Variants in PRAG1 observed in about 807,000 individuals in gnomAD.
PRAG1 encodes PEAK1 related, kinase-activating pseudokinase 1.
A neutral mutation model predicts 95.6 loss-of-function variants in PRAG1; 110 were observed. The ratio of observed to expected loss-of-function variants is 1.15; its 90% CI spans 0.99 to 1.35. The LOEUF (loss-of-function observed/expected upper bound fraction) is 1.35, where lower values mean the gene tolerates loss of function less well. Ranked by LOEUF, PRAG1 falls within the 40% of genes most tolerant of loss-of-function variation. The pLI is 0.00. For synonymous variants in PRAG1, 1,052 were observed against 819.4 expected (o/e 1.28, Z -4.85); for missense variants, 2,554 against 1,864.7 (o/e 1.37, Z -6.81).
Position 8,376,829 on chromosome 8 carries a change from T to G in PRAG1, c.1580A>C (p.Glu527Ala). The G allele has an allele frequency of 1.9e-6, 3 of 1,612,566 alleles. No individual in the cohort carries two copies. The highest frequency in any genetic ancestry group is 2.2e-5 in the South Asian group (2 of 91,072). Residue 527 changes from glutamate to alanine, a missense_variant, in exon 3 of 6, where the codon GAA (glutamate) becomes GCA (alanine). Transcript: ENST00000615670. ...TSAGQGLSSR[E>A]SHAHSASESK... ...CTCGCTGGCACTGTGAGCATGGCTT[T>G]CCCTGGAGCTCAGCCCCTGCCCAGC... is the stretch of plus-strand genomic sequence containing the variant.
chr8:8,345,151 A>G (rs1199087473), intron 3 of PRAG1, among the ~76,000 whole-genome samples: 1 of 151,050 alleles, frequency 6.6e-6, no homozygotes, highest in Non-Finnish European at 1.5e-5. Flanking sequence ...CTAAGCCACA[A>G]GTGGAATTTT....
Position 8,337,533 on chromosome 8 carries a change from G to A in PRAG1, c.2320+1945C>T, listed in dbSNP as rs76039664. Among the ~76,000 whole-genome samples, 484 of 152,256 alleles carry A rather than the reference G, an allele frequency of 3.2e-3. 5 individuals carry two copies. The highest frequency in any genetic ancestry group is 6.2e-3 in the South Asian group (30 of 4,818). ...ATGTCATGCCTTTGGTCTCTTGCCA[G>A]TTTCAAAACATGGTTCCGGGTACAG... On this transcript the variant is annotated intron_variant, in intron 4 of 5. Coordinates refer to ENST00000615670, the MANE Select transcript of PRAG1 (RefSeq NM_001080826.3).
chr8:8,323,220 T>G (rs570435667), intron 5 of PRAG1, among the ~76,000 whole-genome samples: 6 of 152,176 alleles, frequency 3.9e-5, no homozygotes, highest in Non-Finnish European at 8.8e-5. Flanking sequence ...GTAGTTCTCA[T>G]AATCCCCACG....
chr8:8,321,295 G>C (rs1408466704), intron 5 of PRAG1, among the ~76,000 whole-genome samples: 1 of 152,090 alleles, frequency 6.6e-6, no homozygotes, highest in African/African-American at 2.4e-5. Context: ...ATGTTGCCCA[G>C]GCTGGTCTTG....
At chr8:8,366,400 A>T (rs1333325335) in intron 3 of PRAG1, among the ~76,000 whole-genome samples, 1 of 147,694 alleles carries the variant, frequency 6.8e-6, no homozygotes, top group African/African-American at 2.5e-5. Flanking sequence ...TGCAACCTCC[A>T]ACTCCCGGGT....
intron 3 of PRAG1, among the ~76,000 whole-genome samples, chr8:8,361,445 G>A (rs953515175): frequency 4.6e-5 from 7 of 152,116 alleles, no homozygotes; most frequent in African/African-American, 1.7e-4. Flanking sequence ...TGCCTGGGGA[G>A]GTGGCAGTGG....
At position 8,376,493 on chromosome 8, in the gene PRAG1, A is replaced by G. The variant is rs748736545; in HGVS notation, c.1916T>C (p.Ile639Thr). The change falls in exon 3 of 6, where the codon ATA becomes ACA. Residue 639 changes from isoleucine to threonine, a missense_variant. By Grantham distance (89) the Ile-to-Thr change is moderately conservative. Coordinates refer to ENST00000615670, the MANE Select transcript of PRAG1 (RefSeq NM_001080826.3). The stretch of plus-strand genomic sequence containing the variant: ...CTGCTCCACCTCCTCTTCTTCCTCT[A>G]TCCGGCACTGACGACTCCAGGTGCC... ...QAGTWSRQCR[I>T]EEEEEVEQEL... The G allele has an allele frequency of 8.1e-6, 13 of 1,612,814 alleles. No individual in the cohort carries two copies. Among genetic ancestry groups the G allele is most frequent in the South Asian group, 1.1e-5 (1 of 90,964 alleles).
rs1301291626 is a variant in PRAG1 at position 8,376,395 on chromosome 8, G to A, written c.2014C>T (p.His672Tyr). 4 of 1,614,196 alleles carry A rather than the reference G, an allele frequency of 2.5e-6. No individual in the cohort carries two copies. The Admixed American group carries it at 6.7e-5, about 27-fold the overall frequency. The change falls in exon 3 of 6, where the codon CAC (histidine) becomes TAC (tyrosine). Residue 672 changes from histidine to tyrosine, a missense_variant. Coordinates refer to ENST00000615670, the MANE Select transcript of PRAG1 (RefSeq NM_001080826.3). ...GAGCCATCTGTGGGGTGGAGACGGTGCCAGGTCGTGGAGTTTGAATGGTCC... is the reference window on the plus strand; with the variant it reads ...GAGCCATCTGTGGGGTGGAGACGGTACCAGGTCGTGGAGTTTGAATGGTCC... Reference protein sequence around the residue: ...PTDHSNSTTWHRLHPTDGSSG... With the variant: ...PTDHSNSTTWYRLHPTDGSSG...
rs764822923 is a variant in PRAG1, at chr8:8,377,199, G to T, written c.1210C>A (p.Arg404=). 1 of 1,611,240 alleles carries T rather than the reference G, an allele frequency of 6.2e-7. No individual in the cohort carries two copies. The highest frequency in any genetic ancestry group is 8.5e-7 in the Non-Finnish European group (1 of 1,179,338). The change falls in exon 3 of 6, where the codon CGG becomes AGG. Residue 404 remains arginine (R), a synonymous_variant. Coordinates refer to ENST00000615670, the MANE Select transcript of PRAG1 (RefSeq NM_001080826.3). The stretch of plus-strand genomic sequence containing the variant: ...ATGGGTTCAGGCTGTGTAGCCTCCC[G>T]GGGGTGGGCCGGGGGCTGGGGCTCC... ...TGEPQPPAHP[R]EATQPEPIYA...
At position 8,318,328 on chromosome 8, in the gene PRAG1, G is replaced by C. The variant is rs1374665335; in HGVS notation, c.4047C>G (p.Gly1349=). 6.2e-7 allele frequency: 1 copy of C among 1,614,130 alleles called. No individual in the cohort carries two copies. The highest frequency in any genetic ancestry group is 2.2e-5 in the East Asian group (1 of 44,874). Residue 1349 remains glycine (G), a synonymous_variant, in exon 6 of 6, where the codon GGC becomes GGG. Coordinates refer to ENST00000615670, the MANE Select transcript of PRAG1 (RefSeq NM_001080826.3). This position sits in a 1 kb window ranked among gnomAD's most constrained non-coding sequence, Gnocchi z 4.2. Reference sequence around the variant, plus strand: ...TCATGTCGATCCAGTTGTGCAGCGTGCCGCACAGCGCCTCCTCCGAGGTGC... The same window carrying C: ...TCATGTCGATCCAGTTGTGCAGCGTCCCGCACAGCGCCTCCTCCGAGGTGC... ...QPGTSEEALC[G]TLHNWIDMKR...
rs751154555 is a variant in PRAG1, at chr8:8,328,012, T to A, written c.2770A>T (p.Ser924Cys). ...CCGGTGGAGGCTTGACTGGACACGC[T>A]CAGCTGGGAGGATGAGGCGGAGGGG... ...GAPSASSSQL[S>C]VSSQASTGST... The change falls in exon 5 of 6, where the codon AGC (serine) becomes TGC (cysteine). Residue 924 changes from serine (S) to cysteine (C), a missense_variant. Physicochemically the swap from Ser to Cys is moderately radical, Grantham distance 112. Coordinates refer to ENST00000615670, the MANE Select transcript of PRAG1 (RefSeq NM_001080826.3). 12 of 1,585,994 alleles carry A rather than the reference T, an allele frequency of 7.6e-6. No individual in the cohort carries two copies. Among genetic ancestry groups the A allele is most frequent in the Non-Finnish European group, 8.6e-6 (10 of 1,165,066 alleles).
At chr8:8,341,151 G>A (rs1799149228) in intron 3 of PRAG1, among the ~76,000 whole-genome samples, 1 of 152,186 alleles carries the variant, frequency 6.6e-6, no homozygotes, top group Non-Finnish European at 1.5e-5. Context: ...TTCCAAAGTG[G>A]TTTCTAGAGT....
intron 3 of PRAG1, among the ~76,000 whole-genome samples, chr8:8,360,225 A>T (rs1799802606): frequency 6.6e-6 from 1 of 152,150 alleles, no homozygotes; most frequent in African/African-American, 2.4e-5. Context: ...AATTCAGGAC[A>T]TTCGTTCTTA....
At chr8:8,335,005 G>T (rs7009685) in intron 4 of PRAG1, among the ~76,000 whole-genome samples, 5,980 of 151,880 alleles carry the variant, frequency 0.039, 407 homozygotes, top group African/African-American at 0.14. Context: ...CTGGAGGTGG[G>T]GCTTGCAGTG....
intron 3 of PRAG1, among the ~76,000 whole-genome samples, chr8:8,342,349 C>T (rs996942927): frequency 3.3e-5 from 5 of 151,752 alleles, no homozygotes; most frequent in Non-Finnish European, 5.9e-5. Context: ...GCGCCCACCA[C>T]CACGCCCCGC....
In PRAG1 at chr8:8,327,889, G is replaced by C. The variant is rs908647555; in HGVS notation, c.2893C>G (p.Arg965Gly). 1 of 1,614,206 alleles carries C rather than the reference G, an allele frequency of 6.2e-7. No individual in the cohort carries two copies. The highest frequency in any genetic ancestry group is 8.5e-7 in the Non-Finnish European group (1 of 1,180,038). ...AGGTCCTCACATTTGGCTACAAGGC[G>C]GGCCAGGGACTGGGTGTAGAGTCCC... ...LGGLYTQSLA[R>G]LVAKCEDLFM... The change falls in exon 5 of 6, where the codon CGC (arginine) becomes GGC (glycine). Residue 965 changes from arginine to glycine, a missense_variant. Transcript: ENST00000615670.
chr8:8,330,443 C>T (rs1585224884), intron 4 of PRAG1, among the ~76,000 whole-genome samples: 1 of 152,126 alleles, frequency 6.6e-6, no homozygotes, highest in East Asian at 1.9e-4. Context: ...GTAAGCAATC[C>T]TTGTTTCCCT....
At chr8:8,373,493 A>G (rs1800282116) in intron 3 of PRAG1, among the ~76,000 whole-genome samples, 1 of 141,750 alleles carries the variant, frequency 7.1e-6, no homozygotes, top group Admixed American at 7.1e-5. Flanking sequence ...TCTGTTGCTC[A>G]GGCAGGAGTA....
intron 4 of PRAG1, among the ~76,000 whole-genome samples, chr8:8,333,350 A>G (rs1342277300): frequency 6.6e-6 from 1 of 152,220 alleles, no homozygotes; most frequent in African/African-American, 2.4e-5. Context: ...AACACGCTCC[A>G]TGCCTTTAGC....
Sources: gnomAD v4.1 joint callset for allele counts (sites outside exome capture counted in the v4.1 genomes callset) on GRCh38, gnomAD v4.1.1 for gene constraint, Gnocchi (gnomAD v3.1) non-coding constraint, MANE v1.5 for transcripts, NCBI Gene and HGNC (gene_info 2026-07-23, HGNC 2026-07-21) for gene names.